PKHD1: variants seen among roughly 807,000 people sequenced by gnomAD.
PKHD1 encodes the protein fibrocystin.
In PKHD1, 291 loss-of-function variants were observed where a neutral mutation model predicts 412.0. That is an observed-to-expected ratio of 0.71 (90% CI 0.64 to 0.78). The LOEUF is 0.78. PKHD1 is among the 30% of genes least tolerant of loss of function. The pLI is 0.00. For missense variants in PKHD1, 4,825 were observed against 4,950.7 expected (o/e 0.97, Z 0.76); for synonymous variants, 1,777 against 1,821.5 (o/e 0.98, Z 0.62).
chr6:51,867,559 T>C (rs1282304017), intron 48 of PKHD1, among the ~76,000 whole-genome samples: 1 of 152,150 alleles, frequency 6.6e-6, no homozygotes, highest in African/African-American at 2.4e-5. Context: ...AATTTAAATA[T>C]ATTTCAAACT....
chr6:52,053,909 C>G (rs751145701), intron 20 of PKHD1, 129 bp downstream of exon 20: 1 of 931,392 alleles, frequency 1.1e-6, no homozygotes, highest in Non-Finnish European at 1.7e-6. Flanking sequence ...AAAATATATT[C>G]AAATCCCCAA....
intron 21 of PKHD1, 119 bp downstream of exon 21, chr6:52,052,956 AG>A (rs1269832354): frequency 1.2e-6 from 1 of 861,792 alleles, no homozygotes; most frequent in African/African-American, 1.7e-5. Context: ...TCTAGAGCCA[AG>A]GCAGGCAAAA....
chr6:52,032,891 A>G, intron 29 of PKHD1, 139 bp downstream of exon 29: 1 of 766,388 alleles, frequency 1.3e-6, no homozygotes, highest in Non-Finnish European at 2.3e-6. Flanking sequence ...GATGATGGCT[A>G]AGATGAAAAA....
intron 60 of PKHD1, among the ~76,000 whole-genome samples, chr6:51,729,603 G>C (rs567892757): frequency 6.6e-6 from 1 of 152,132 alleles, no homozygotes; most frequent in Non-Finnish European, 1.5e-5. Context: ...AAGTTGCTAA[G>C]TCAGAAGTAC....
At chr6:51,893,536 T>C (rs968990444) in intron 43 of PKHD1, among the ~76,000 whole-genome samples, 2 of 152,200 alleles carry the variant, frequency 1.3e-5, no homozygotes, top group Non-Finnish European at 2.9e-5. Flanking sequence ...TCAACTCCAA[T>C]TGTGTATGCT....
chr6:51,630,574 G>A (rs1036430219), intron 65 of PKHD1, among the ~76,000 whole-genome samples: 1 of 152,086 alleles, frequency 6.6e-6, no homozygotes, highest in African/African-American at 2.4e-5. Flanking sequence ...AACCCACATA[G>A]ACAAAAGTTG....
In PKHD1 at chr6:51,791,297, C is replaced by T; in HGVS notation, c.8379G>A (p.Val2793=). The change falls in exon 53 of 67, where the codon GTG becomes GTA. Residue 2793 remains valine (V), a synonymous_variant. Coordinates refer to ENST00000371117, the MANE Select transcript of PKHD1 (RefSeq NM_138694.4). The part of the protein sequence containing the change: ...LYVMGTLDFP[V]DRSNVLSVAC... ...CCACACTCAGAACATTGCTTCTGTC[C>T]ACAGGGAAGTCTAAGGTCCCCATCA... 1 of 1,613,870 alleles carries T rather than the reference C, an allele frequency of 6.2e-7. No homozygotes were observed. The highest frequency in any genetic ancestry group is 1.7e-5 in the Admixed American group (1 of 59,994).
At chr6:51,912,063 T>C in intron 38 of PKHD1, 107 bp from the exon 39 acceptor site, 1 of 935,298 alleles carries the variant, frequency 1.1e-6, no homozygotes, top group Non-Finnish European at 1.7e-6. Context: ...TCTATTCATG[T>C]TTCTTTAGAA....
At chr6:51,816,748 G>A (rs1463122565) in intron 52 of PKHD1, among the ~76,000 whole-genome samples, 1 of 152,196 alleles carries the variant, frequency 6.6e-6, no homozygotes, top group East Asian at 1.9e-4. Flanking sequence ...CCTATTTTCT[G>A]TATATCACTT....
chr6:52,059,191 C>A lies in PKHD1; in HGVS notation c.1234-590G>T, dbSNP rs576957218. Among the ~76,000 whole-genome samples the A allele has an allele frequency of 2.2e-4, 34 of 151,700 alleles. No homozygotes were observed. The South Asian group carries it at 7.1e-3, about 32-fold the overall frequency. On this transcript the variant is annotated intron_variant, in intron 15 of 66. Transcript: ENST00000371117. ...TAGTCAGGTAAATTTGGGGTTGAAT[C>A]CTCAATGTGCCTTTTGCTATCCAAG...
chr6:51,729,504 G>T (rs1198964973), intron 60 of PKHD1, among the ~76,000 whole-genome samples: 2 of 152,130 alleles, frequency 1.3e-5, no homozygotes, highest in Admixed American at 1.3e-4. Flanking sequence ...AGAGGGGTAA[G>T]AGGCATGATA....
intron 35 of PKHD1, among the ~76,000 whole-genome samples, chr6:51,963,151 T>C (rs1040022021): frequency 6.6e-6 from 1 of 152,108 alleles, no homozygotes; most frequent in Non-Finnish European, 1.5e-5. Flanking sequence ...CTAGGTCTTC[T>C]GAAACATTTA....
At chr6:51,695,361 C>T (rs570264270) in intron 60 of PKHD1, among the ~76,000 whole-genome samples, 1 of 152,218 alleles carries the variant, frequency 6.6e-6, no homozygotes, top group South Asian at 2.1e-4. Context: ...TAACCCTTCT[C>T]CATAGCACTT....
At chr6:52,068,241 G>A (rs1289480998) in intron 11 of PKHD1, among the ~76,000 whole-genome samples, 1 of 152,150 alleles carries the variant, frequency 6.6e-6, no homozygotes, top group African/African-American at 2.4e-5. Context: ...CCCCTGAGGA[G>A]CTCAGCCCAG....
chr6:52,009,780 T>C (rs1799572780), intron 35 of PKHD1, among the ~76,000 whole-genome samples: 1 of 151,982 alleles, frequency 6.6e-6, no homozygotes, highest in Non-Finnish European at 1.5e-5. Context: ...ATGGGTGAAT[T>C]GAGGCAGAGA....
intron 43 of PKHD1, among the ~76,000 whole-genome samples, chr6:51,902,641 T>C (rs1781460853): frequency 6.6e-6 from 1 of 152,156 alleles, no homozygotes; most frequent in South Asian, 2.1e-4. Context: ...ACATAGTGGA[T>C]GCTGAGAGGA....
At chr6:51,900,407 A>G (rs1208243926) in intron 43 of PKHD1, among the ~76,000 whole-genome samples, 4 of 152,188 alleles carry the variant, frequency 2.6e-5, no homozygotes, top group African/African-American at 7.2e-5. Context: ...CCTGAGAAAA[A>G]CAAGCAATGG....
At chr6:51,988,103 G>T (rs1264345115) in intron 35 of PKHD1, among the ~76,000 whole-genome samples, 1 of 152,168 alleles carries the variant, frequency 6.6e-6, no homozygotes, top group Non-Finnish European at 1.5e-5. Context: ...GGAAAAGATA[G>T]ATTTCTTAAG....
intron 48 of PKHD1, among the ~76,000 whole-genome samples, chr6:51,865,365 C>A (rs1200244985): frequency 6.6e-6 from 1 of 152,140 alleles, no homozygotes; most frequent in Non-Finnish European, 1.5e-5. Flanking sequence ...ATCCCAACTG[C>A]TGGCTTTGAG....
Sources: gnomAD v4.1 joint callset for allele counts (sites outside exome capture counted in the v4.1 genomes callset) on GRCh38, gnomAD v4.1.1 for gene constraint, MANE v1.5 for transcripts, NCBI Gene and HGNC (gene_info 2026-07-23, HGNC 2026-07-21) for gene names.